The following PM20D2 variants were observed in gnomAD, a reference collection of about 807,000 sequenced individuals.
PM20D2 encodes peptidase M20 domain containing 2.
Under a neutral mutation model 42.9 loss-of-function variants are expected in PM20D2, and 33 were observed. The observed-to-expected ratio is 0.77, with a 90% confidence interval of 0.58 to 1.03. The LOEUF is 1.03. PM20D2 is among the 50% of genes least tolerant of loss of function. The pLI is 0.00. For synonymous variants in PM20D2, 250 were observed against 228.2 expected, an observed-to-expected ratio of 1.10 and a Z score of -0.86; for missense variants, 548 against 557.0, an observed-to-expected ratio of 0.98 and a Z score of 0.16.
chr6:89,125,589 T>C, the PM20D2 span, among the ~76,000 whole-genome samples: 1 of 151,758 alleles, frequency 6.6e-6, no homozygotes, highest in Non-Finnish European at 1.5e-5. Context: ...AAGACCAGCC[T>C]GACCAAAATG....
At position 89,162,243 on chromosome 6, in the gene PM20D2, T is replaced by C. The variant is rs1384544515; in HGVS notation, c.1291T>C (p.Phe431Leu). 6.2e-7 allele frequency: 1 copy of C among 1,613,588 alleles called. No individual in the cohort carries two copies. Among genetic ancestry groups the C allele is most frequent in the Non-Finnish European group, 8.5e-7 (1 of 1,179,812 alleles). Reference protein sequence around the residue: ...DFKLKLQEEQFVNAVE With the variant: ...DFKLKLQEEQLVNAVE ...TAAACTGAAACTTCAAGAAGAACAG[T>C]TTGTAAATGCAGTAGAATAAAAGAC... Residue 431 changes from phenylalanine to leucine, a missense_variant, in exon 7 of 7, where the codon TTT becomes CTT. Phe to Leu is a conservative substitution (Grantham distance 22, BLOSUM62 0). Around this residue, in one of 3 missense-constraint regions of PM20D2, gnomAD observed 71 missense variants for 69.7 expected, o/e 1.02. Coordinates refer to ENST00000275072, the MANE Select transcript of PM20D2 (RefSeq NM_001010853.3).
At chr6:89,105,289 A>G in the PM20D2 span, 3 of 1,587,660 alleles carry the variant, frequency 1.9e-6, no homozygotes, top group East Asian at 2.3e-5. Flanking sequence ...GACTTATGAC[A>G]TAATTCGTTA....
chr6:89,123,541 G>A, the PM20D2 span, among the ~76,000 whole-genome samples: 2 of 150,944 alleles, frequency 1.3e-5, no homozygotes, highest in Non-Finnish European at 2.9e-5. Context: ...GGCAACATAC[G>A]ATACCTCATC....
intron 4 of PM20D2, among the ~76,000 whole-genome samples, chr6:89,157,769 C>T (rs1313985054): frequency 6.6e-6 from 1 of 152,180 alleles, no homozygotes; most frequent in Non-Finnish European, 1.5e-5. Flanking sequence ...CTTTGGGAGG[C>T]CGAGACGGGC....
the PM20D2 span, chr6:89,117,871 C>T: frequency 6.4e-7 from 1 of 1,562,758 alleles, no homozygotes; most frequent in Non-Finnish European, 8.6e-7. Flanking sequence ...GTTGGGGGGC[C>T]TCGTGTAGCG....
chr6:89,118,023 G>A, the PM20D2 span: 6 of 887,516 alleles, frequency 6.8e-6, no homozygotes, highest in Admixed American at 4.2e-5. Flanking sequence ...CCCCGCCAGC[G>A]CGCAGCCGCA....
intron 5 of PM20D2, among the ~76,000 whole-genome samples, chr6:89,160,765 A>C (rs540349987): frequency 4.2e-4 from 64 of 152,372 alleles, no homozygotes; most frequent in Non-Finnish European, 6.5e-4. Flanking sequence ...CTTATGCTAG[A>C]GGAATTTCAC....
the PM20D2 span, chr6:89,107,042 T>TA: frequency 9.1e-7 from 1 of 1,101,480 alleles, no homozygotes; most frequent in Non-Finnish European, 1.4e-6. Flanking sequence ...GATAAAGAAA[T>TA]AAACACATTT....
chr6:89,132,482 A>C, the PM20D2 span, among the ~76,000 whole-genome samples: 1 of 151,340 alleles, frequency 6.6e-6, no homozygotes, highest in Admixed American at 6.5e-5. Context: ...TCACATCCTA[A>C]AAACAGAAAT....
chr6:89,117,729 C>A, the PM20D2 span: 2 of 1,288,022 alleles, frequency 1.6e-6, no homozygotes, highest in Non-Finnish European at 2.0e-6. Flanking sequence ...CGCGCAGCTC[C>A]CCCGAGCCTC....
upstream of PM20D2, among the ~76,000 whole-genome samples, chr6:89,142,598 C>T (rs1770362502): frequency 6.6e-6 from 1 of 152,118 alleles, no homozygotes; most frequent in African/African-American, 2.4e-5. Flanking sequence ...GAAATATCTG[C>T]ACTCTCTCCT....
chr6:89,100,838 T>C, the PM20D2 span, among the ~76,000 whole-genome samples: 1 of 152,214 alleles, frequency 6.6e-6, no homozygotes, highest in Non-Finnish European at 1.5e-5. Flanking sequence ...CTGGGTGCAG[T>C]GGCTCATGCC....
chr6:89,152,812 T>A (rs1469639618), intron 2 of PM20D2, among the ~76,000 whole-genome samples: 1 of 152,198 alleles, frequency 6.6e-6, no homozygotes, highest in Non-Finnish European at 1.5e-5. Context: ...ATCTTTTCTC[T>A]TTTTCTCTCT....
At chr6:89,108,755 A>G in the PM20D2 span, among the ~76,000 whole-genome samples, 1 of 152,254 alleles carries the variant, frequency 6.6e-6, no homozygotes, top group Non-Finnish European at 1.5e-5. Context: ...CACTGATAAG[A>G]GTTCTATAAG....
chr6:89,148,484 G>C, intron 1 of PM20D2: 5 of 919,008 alleles, frequency 5.4e-6, no homozygotes, highest in Non-Finnish European at 6.5e-6. Flanking sequence ...AAATATCAAA[G>C]TAAAATGTTT....
Position 89,164,693 on chromosome 6 carries a change from T to A in PM20D2, c.*2430T>A, listed in dbSNP as rs1771351499. On this transcript the variant is annotated 3_prime_UTR_variant, in exon 7 of 7. Coordinates refer to ENST00000275072, the MANE Select transcript of PM20D2 (RefSeq NM_001010853.3). ...AAGCAGTATTAAACACAGGTACAAG[T>A]TGGAAATTGTAGAAAACTGAAAGAA... 6.6e-6 allele frequency: 1 copy of A among 152,028 alleles called. No homozygotes were observed. Among genetic ancestry groups the A allele is most frequent in the Non-Finnish European group, 1.5e-5 (1 of 67,890 alleles). 9.4% of individuals were successfully genotyped at this position (152,028 alleles called of 1,614,324 possible).
chr6:89,130,984 T>TA, the PM20D2 span, among the ~76,000 whole-genome samples: 207 of 151,914 alleles, frequency 1.4e-3, 2 homozygotes, highest in Non-Finnish European at 7.4e-4. Flanking sequence ...ATGACAGGTG[T>TA]AAACCACTAT....
At chr6:89,099,787 G>C in the PM20D2 span, among the ~76,000 whole-genome samples, 1 of 151,846 alleles carries the variant, frequency 6.6e-6, no homozygotes, top group African/African-American at 2.4e-5. Flanking sequence ...CCCCTGCCTC[G>C]GCCTCCTAAA....
the PM20D2 span, among the ~76,000 whole-genome samples, chr6:89,103,632 G>A: frequency 6.6e-6 from 1 of 151,166 alleles, no homozygotes; most frequent in African/African-American, 2.4e-5. Flanking sequence ...CGCCTGGCCT[G>A]AATTTTTAGT....
Sources: allele counts gnomAD v4.1 joint callset (sites outside exome capture counted in the v4.1 genomes callset), GRCh38; gene constraint gnomAD v4.1.1; regional missense constraint gnomAD v4.1.1; transcripts MANE v1.5; gene names NCBI Gene and HGNC (gene_info 2026-07-23, HGNC 2026-07-21).